COL6A3: variants seen among roughly 807,000 people sequenced by gnomAD.
COL6A3 encodes the protein collagen alpha-3(VI) chain.
COL6A3 carries 137 observed loss-of-function variants against 274.1 expected under a neutral mutation model. The ratio of observed to expected loss-of-function variants is 0.50; its 90% CI spans 0.44 to 0.58. The LOEUF (loss-of-function observed/expected upper bound fraction) is 0.58. COL6A3 is among the 20% of genes least tolerant of loss of function. The pLI is 0.00. For missense variants in COL6A3, 3,950 were observed against 4,124.9 expected (o/e 0.96, Z 1.16); for synonymous variants, 1,650 against 1,650.6 (o/e 1.00, Z 0.01).
At position 237,346,578 on chromosome 2, in the gene COL6A3, G is replaced by GGGA. The variant is rs1279819226; in HGVS notation, c.7030-14_7030-13insTCC. 6.2e-7 allele frequency: 1 copy of GGGA among 1,611,350 alleles called. No individual in the cohort carries two copies. Among genetic ancestry groups the GGGA allele is most frequent in the South Asian group, 1.1e-5 (1 of 91,000 alleles). ...GTCCCGAATTTCCCTAGAGGGAGCA[G>GGGA]AACAAACATTGTTCAACTGTGTCAG... On this transcript the variant is annotated splice_polypyrimidine_tract_variant and intron_variant, in intron 31 of 43. Coordinates refer to ENST00000295550, the MANE Select transcript of COL6A3 (RefSeq NM_004369.4).
chr2:237,413,195 A>G lies in COL6A3; in HGVS notation c.-31+758T>C, dbSNP rs1168986418. ...CTCGGCACTGGCCTCACCTCTGTGC[A>G]GCATGGGCTGGCCCTGCAGCCCCAG... is the stretch of plus-strand genomic sequence containing the variant. On this transcript the variant is annotated intron_variant, in intron 1 of 43. Coordinates refer to ENST00000295550, the MANE Select transcript of COL6A3 (RefSeq NM_004369.4). The surrounding 1 kb of genome is among the most constrained non-coding windows in gnomAD (Gnocchi z 4.0). Among the ~76,000 whole-genome samples, 1 of 152,158 alleles carries G rather than the reference A, an allele frequency of 6.6e-6. No homozygotes were observed. The highest frequency in any genetic ancestry group is 1.5e-5 in the Non-Finnish European group (1 of 68,016).
intron 4 of COL6A3, among the ~76,000 whole-genome samples, chr2:237,384,021 T>A (rs1055563048): frequency 1.3e-5 from 2 of 152,136 alleles, no homozygotes; most frequent in Non-Finnish European, 2.9e-5. Context: ...TGGGAGCTCA[T>A]GACAGATGAT....
At position 237,361,198 on chromosome 2, in the gene COL6A3, C is replaced by G. The variant is rs1271128685; in HGVS notation, c.6157-24G>C. 1 of 1,611,648 alleles carries G rather than the reference C, an allele frequency of 6.2e-7. No homozygotes were observed. Among genetic ancestry groups the G allele is most frequent in the Non-Finnish European group, 8.5e-7 (1 of 1,177,774 alleles). On this transcript the variant is annotated intron_variant, in intron 15 of 43. Coordinates refer to ENST00000295550, the MANE Select transcript of COL6A3 (RefSeq NM_004369.4). This position sits in a 1 kb window ranked among gnomAD's most constrained non-coding sequence, Gnocchi z 5.1. Reference sequence around the variant, plus strand: ...CCCTGAAACAAAGTAATCGGGTCCTCTGTTTAATCCCGTGGTCTTCTTTGC... The same window carrying G: ...CCCTGAAACAAAGTAATCGGGTCCTGTGTTTAATCCCGTGGTCTTCTTTGC...
intron 25 of COL6A3, 92 bp downstream of exon 25, chr2:237,353,249 G>T (rs1004891478): frequency 3.2e-6 from 4 of 1,254,530 alleles, no homozygotes; most frequent in African/African-American, 1.5e-5. Context: ...ACTTTAAAAT[G>T]GTTAACTTTC....
chr2:237,339,197 A>G (rs2076933510), intron 38 of COL6A3, 80 bp from the exon 39 acceptor site: 2 of 969,636 alleles, frequency 2.1e-6, no homozygotes, highest in African/African-American at 3.2e-5. Flanking sequence ...AACAAGTTAA[A>G]TGAATCACAT....
rs1028584609 is a variant in COL6A3, at chr2:237,324,109, CA to C, written c.*664del. The C allele has an allele frequency of 1.7e-4, 25 of 149,394 alleles. No individual in the cohort carries two copies. The highest frequency in any genetic ancestry group is 4.2e-4 in the South Asian group (2 of 4,756). 9.3% of individuals were successfully genotyped at this position (149,394 alleles called of 1,614,324 possible). ...TTAAATCCCCTCCCTCCAGCACACACAAAAAAAAAACACACAACATTAGAGG... is the reference window on the plus strand; with the variant it reads ...TTAAATCCCCTCCCTCCAGCACACACAAAAAAAAACACACAACATTAGAGG... On this transcript the variant is annotated 3_prime_UTR_variant, in exon 44 of 44. Coordinates refer to ENST00000295550, the MANE Select transcript of COL6A3 (RefSeq NM_004369.4).
chr2:237,391,407 T>C (rs2078283423), intron 3 of COL6A3, among the ~76,000 whole-genome samples: 1 of 152,226 alleles, frequency 6.6e-6, no homozygotes, highest in Non-Finnish European at 1.5e-5. Context: ...TGTTTGTCCA[T>C]TACATAATGG....
At chr2:237,362,380 A>T (rs2077456344) in intron 14 of COL6A3, among the ~76,000 whole-genome samples, 1 of 152,216 alleles carries the variant, frequency 6.6e-6, no homozygotes, top group Non-Finnish European at 1.5e-5. Context: ...ACTCCAGGTC[A>T]CACAGACACC....
intron 30 of COL6A3, 59 bp from the exon 31 acceptor site, chr2:237,347,928 G>A: frequency 6.7e-7 from 1 of 1,499,114 alleles, no homozygotes; most frequent in Admixed American, 1.9e-5. Context: ...CTCACTGAGG[G>A]TCCGTGGGGT....
At chr2:237,403,239 T>C (rs2078636896) in intron 1 of COL6A3, among the ~76,000 whole-genome samples, 2 of 152,118 alleles carry the variant, frequency 1.3e-5, no homozygotes, top group South Asian at 2.1e-4. Flanking sequence ...GGCCCAGCTA[T>C]GAGGAAGACG....
chr2:237,341,953 T>C, intron 37 of COL6A3, 112 bp downstream of exon 37: 1 of 892,694 alleles, frequency 1.1e-6, no homozygotes. Context: ...GCTTTGTGAA[T>C]CAATTGAACT....
At chr2:237,342,426 T>C (rs892632286) in intron 36 of COL6A3, 55 of 500,704 alleles carry the variant, frequency 1.1e-4, no homozygotes, top group Admixed American at 1.9e-4. Flanking sequence ...TGGGGGGTAA[T>C]ACCTTCCTAA....
chr2:237,380,869 G>A, intron 5 of COL6A3, 46 bp downstream of exon 5: 1 of 1,570,286 alleles, frequency 6.4e-7, no homozygotes, highest in Non-Finnish European at 8.7e-7. Context: ...TAAAGGCCCT[G>A]CCTGGAGACC....
Position 237,371,826 on chromosome 2 carries a change from C to T in COL6A3, c.4191G>A (p.Leu1397=). The change falls in exon 9 of 44, where the codon CTG becomes CTA. Residue 1397 remains leucine (L), a synonymous_variant. Coordinates refer to ENST00000295550, the MANE Select transcript of COL6A3 (RefSeq NM_004369.4). The surrounding 1 kb of genome is among the most constrained non-coding windows in gnomAD (Gnocchi z 4.3). The part of the protein sequence containing the change: ...YVFSVSTFRE[L]PSLEQKLLTP... ...TCAGCAGTTTCTGCTCCAGGCTGGG[C>T]AGCTCCCGGAAGGTGCTCACCGAGA... is the stretch of plus-strand genomic sequence containing the variant. 1 of 1,613,632 alleles carries T rather than the reference C, an allele frequency of 6.2e-7. No individual in the cohort carries two copies. Among genetic ancestry groups the T allele is most frequent in the Non-Finnish European group, 8.5e-7 (1 of 1,180,002 alleles).
intron 38 of COL6A3, among the ~76,000 whole-genome samples, chr2:237,340,221 T>C (rs2106318973): frequency 6.6e-6 from 1 of 152,304 alleles, no homozygotes; most frequent in East Asian, 1.9e-4. Context: ...CTTGGTCAAA[T>C]GTGGTGGAAT....
At chr2:237,340,313 G>A in intron 38 of COL6A3, 139 bp downstream of exon 38, 1 of 782,998 alleles carries the variant, frequency 1.3e-6, no homozygotes, top group Non-Finnish European at 2.1e-6. Context: ...GCATATGGCA[G>A]GTGTCAATAT....
chr2:237,335,776 C>T (rs1475638103), intron 40 of COL6A3, among the ~76,000 whole-genome samples: 1 of 152,210 alleles, frequency 6.6e-6, no homozygotes, highest in Non-Finnish European at 1.5e-5. Flanking sequence ...CCAACTGCAG[C>T]GTTTTTCTTT....
At chr2:237,389,782 A>G (rs1055255698) in intron 3 of COL6A3, among the ~76,000 whole-genome samples, 1 of 152,216 alleles carries the variant, frequency 6.6e-6, no homozygotes, top group African/African-American at 2.4e-5. Context: ...TGCTATCACA[A>G]TCCTTCTTAT....
intron 7 of COL6A3, among the ~76,000 whole-genome samples, chr2:237,375,453 T>C (rs1336650241): frequency 2.0e-5 from 3 of 152,176 alleles, no homozygotes; most frequent in Non-Finnish European, 4.4e-5. Context: ...ACACCTTGAT[T>C]TTAGCTTAGC....
Sources: allele counts gnomAD v4.1 joint callset (sites outside exome capture counted in the v4.1 genomes callset), GRCh38; gene constraint gnomAD v4.1.1; non-coding constraint Gnocchi (gnomAD v3.1); transcripts MANE v1.5; gene names NCBI Gene and HGNC (gene_info 2026-07-23, HGNC 2026-07-21).